Variants in MRPL1 observed in about 807,000 individuals in gnomAD.
MRPL1 encodes the protein large ribosomal subunit protein uL1m.
In MRPL1, 28 loss-of-function variants were observed where a neutral mutation model predicts 38.0. The ratio of observed to expected loss-of-function variants is 0.74; its 90% CI spans 0.55 to 1.01. The LOEUF (loss-of-function observed/expected upper bound fraction) is 1.01. Among genes scored for constraint, MRPL1 ranks in the 50% least tolerant of loss-of-function variants. The pLI is 0.00. For missense variants in MRPL1, 358 were observed against 389.8 expected, an observed-to-expected ratio of 0.92 and a Z score of 0.69; for synonymous variants, 123 against 126.7, an observed-to-expected ratio of 0.97 and a Z score of 0.20.
At chr4:77,908,370 T>C (rs1578050467) in intron 6 of MRPL1, 1 of 159,900 alleles carries the variant, frequency 6.3e-6, no homozygotes, top group Non-Finnish European at 1.4e-5. Context: ...GTAGCTGGGA[T>C]TACAGGTGTG....
intron 5 of MRPL1, 89 bp from the exon 6 acceptor site, chr4:77,894,050 A>G (rs1735862424): frequency 1.3e-6 from 1 of 752,364 alleles, no homozygotes; most frequent in Non-Finnish European, 2.3e-6. Context: ...TGTTTTCTGA[A>G]TTATAAAGGA....
At chr4:77,926,480 A>G (rs1018111984) in intron 7 of MRPL1, among the ~76,000 whole-genome samples, 1 of 152,102 alleles carries the variant, frequency 6.6e-6, no homozygotes, top group African/African-American at 2.4e-5. Flanking sequence ...TTTCCTTCCC[A>G]TTTTGAACAT....
intron 6 of MRPL1, among the ~76,000 whole-genome samples, chr4:77,897,330 C>T (rs1735940611): frequency 6.6e-6 from 1 of 151,976 alleles, no homozygotes; most frequent in African/African-American, 2.4e-5. Flanking sequence ...CTTGGCCTCC[C>T]AAAGTGCTGG....
At chr4:77,944,095 C>G (rs1737198945) in intron 7 of MRPL1, among the ~76,000 whole-genome samples, 1 of 152,204 alleles carries the variant, frequency 6.6e-6, no homozygotes, top group Non-Finnish European at 1.5e-5. Flanking sequence ...ATGTAGTGCT[C>G]CCCTCCTTCC....
At chr4:77,886,274 T>C (rs775386247) in intron 4 of MRPL1, among the ~76,000 whole-genome samples, 1 of 152,134 alleles carries the variant, frequency 6.6e-6, no homozygotes, top group Non-Finnish European at 1.5e-5. Context: ...CTGAAGCGAT[T>C]CTCCTGCCTC....
intron 7 of MRPL1, among the ~76,000 whole-genome samples, chr4:77,945,677 G>C (rs1020447411): frequency 2.0e-5 from 3 of 152,092 alleles, no homozygotes; most frequent in Non-Finnish European, 4.4e-5. Flanking sequence ...TTACAGCTGG[G>C]TCTCTGGGGG....
chr4:77,899,160 A>AT (rs1214514714), intron 6 of MRPL1, among the ~76,000 whole-genome samples: 4,101 of 126,472 alleles, frequency 0.032, 103 homozygotes, highest in African/African-American at 0.073. Flanking sequence ...CGCCTGGCTC[A>AT]TTTTTTTTTT....
At chr4:77,923,722 G>A (rs529293253) in intron 7 of MRPL1, among the ~76,000 whole-genome samples, 1 of 152,106 alleles carries the variant, frequency 6.6e-6, no homozygotes, top group African/African-American at 2.4e-5. Flanking sequence ...GATTACTTGA[G>A]GCCAGGAGTT....
chr4:77,880,676 G>A (rs1437208120), intron 2 of MRPL1, among the ~76,000 whole-genome samples: 4 of 152,070 alleles, frequency 2.6e-5, no homozygotes, highest in Non-Finnish European at 5.9e-5. Flanking sequence ...CTGAATTAAT[G>A]CTGAGAAAAT....
intron 7 of MRPL1, among the ~76,000 whole-genome samples, chr4:77,943,955 A>C (rs1401218518): frequency 6.6e-6 from 1 of 152,138 alleles, no homozygotes; most frequent in Non-Finnish European, 1.5e-5. Flanking sequence ...GGGATGTTTA[A>C]GAACTTTGGT....
rs71214375 is a variant in MRPL1, at chr4:77,886,789, C to CTTTTTTT, written c.487-416_487-410dup. ...GCTCACTGCACCTGGTTTGCATTTT[C>CTTTTTTT]TTTTTTTTTTTTTTTTTTTTTGAGA... On this transcript the variant is annotated intron_variant, in intron 4 of 8. Transcript: ENST00000315567. 1.5e-3 allele frequency among the ~76,000 whole-genome samples: 140 copies of CTTTTTTT among 90,466 alleles called. 3 individuals carry two copies. The highest frequency in any genetic ancestry group is 1.9e-3 in the Non-Finnish European group (97 of 50,128). The allele number at this position is 90,466 out of a possible 152,430, so 59.3% of individuals were successfully genotyped here. A position where few individuals can be genotyped will look rare whatever the true frequency, so the allele number is the denominator to read the frequency against.
intron 7 of MRPL1, among the ~76,000 whole-genome samples, chr4:77,947,755 A>G (rs1192908813): frequency 6.6e-6 from 1 of 152,246 alleles, no homozygotes; most frequent in African/African-American, 2.4e-5. Flanking sequence ...TTAGCCAATT[A>G]AATAATCACA....
chr4:77,907,753 G>A (rs950434163), intron 6 of MRPL1, among the ~76,000 whole-genome samples: 9 of 151,956 alleles, frequency 5.9e-5, no homozygotes, highest in African/African-American at 1.2e-4. Flanking sequence ...TAGTAGAGAC[G>A]GGGTTTCGCC....
At chr4:77,908,089 C>T (rs1736200829) in intron 6 of MRPL1, among the ~76,000 whole-genome samples, 1 of 151,436 alleles carries the variant, frequency 6.6e-6, no homozygotes, top group South Asian at 2.1e-4. Flanking sequence ...GTTTCTGTAA[C>T]CATTTGTGTA....
At chr4:77,924,403 G>T (rs1736661343) in intron 7 of MRPL1, among the ~76,000 whole-genome samples, 1 of 151,752 alleles carries the variant, frequency 6.6e-6, no homozygotes. Context: ...TTTGGAGGAG[G>T]GTCATAATTC....
chr4:77,901,956 A>G (rs1335030498), intron 6 of MRPL1, among the ~76,000 whole-genome samples: 1 of 152,232 alleles, frequency 6.6e-6, no homozygotes, highest in East Asian at 1.9e-4. Context: ...AGGTCTGAAT[A>G]TATTAAGTCT....
intron 6 of MRPL1, among the ~76,000 whole-genome samples, chr4:77,898,784 G>A (rs1022138339): frequency 1.1e-4 from 17 of 151,384 alleles, no homozygotes; most frequent in African/African-American, 4.1e-4. Flanking sequence ...GTGAGCCACC[G>A]CACCCAGCTT....
intron 7 of MRPL1, among the ~76,000 whole-genome samples, chr4:77,935,933 A>AG (rs1736962845): frequency 7.2e-6 from 1 of 139,580 alleles, no homozygotes; most frequent in Non-Finnish European, 1.5e-5. Flanking sequence ...CTATGTCTCA[A>AG]AAAAAAAAAA....
At chr4:77,909,632 G>A (rs1219438633) in intron 7 of MRPL1, among the ~76,000 whole-genome samples, 1 of 152,032 alleles carries the variant, frequency 6.6e-6, no homozygotes, top group Non-Finnish European at 1.5e-5. Flanking sequence ...TCTGTTGTAT[G>A]TATACACTTT....
Sources: gnomAD v4.1 joint callset for allele counts (sites outside exome capture counted in the v4.1 genomes callset) on GRCh38, gnomAD v4.1.1 for gene constraint, MANE v1.5 for transcripts, NCBI Gene and HGNC (gene_info 2026-07-23, HGNC 2026-07-21) for gene names.